The following DCP1A variants were observed in gnomAD, a reference collection of about 807,000 sequenced individuals.
The protein encoded by DCP1A is decapping mRNA 1A.
Under a neutral mutation model 58.0 loss-of-function variants are expected in DCP1A, and 20 were observed. The ratio of observed to expected loss-of-function variants is 0.34; its 90% CI spans 0.24 to 0.50. The LOEUF (loss-of-function observed/expected upper bound fraction) is 0.50, where lower values mean the gene tolerates loss of function less well. Among genes scored for constraint, DCP1A ranks in the 20% least tolerant of loss-of-function variants. The probability of loss-of-function intolerance (pLI) is 0.98; values close to 1 mark genes in which losing one functional copy is unlikely to be tolerated. For synonymous variants in DCP1A, 285 were observed against 275.1 expected (o/e 1.04, Z -0.36); for missense variants, 613 against 712.2 (o/e 0.86, Z 1.59).
chr3:53,319,297 A>T, intron 4 of DCP1A, 110 bp downstream of exon 4: 1 of 649,204 alleles, frequency 1.5e-6, no homozygotes, highest in Non-Finnish European at 2.6e-6. Flanking sequence ...AGTAAAAAGA[A>T]ATTGGGGAAA....
At position 53,290,774 on chromosome 3, in the gene DCP1A, A is replaced by C. The variant is rs1039741345; in HGVS notation, c.1449+17T>G. On this transcript the variant is annotated intron_variant, in intron 8 of 9. Coordinates refer to ENST00000610213, the MANE Select transcript of DCP1A (RefSeq NM_018403.7). Reference sequence around the variant, plus strand: ...TAAAAAAAAAAAAAAAAAAAAAAAAAAAAAGCGAGTCCTTACCGGGATGGC... The same window carrying C: ...TAAAAAAAAAAAAAAAAAAAAAAAACAAAAGCGAGTCCTTACCGGGATGGC... 66 of 1,516,376 alleles carry C rather than the reference A, an allele frequency of 4.4e-5. No homozygotes were observed. The East Asian group carries it at 1.4e-3, about 33-fold the overall frequency. 93.9% of individuals were successfully genotyped at this position (1,516,376 alleles called of 1,614,324 possible).
intron 6 of DCP1A, among the ~76,000 whole-genome samples, chr3:53,294,808 G>A (rs1388032918): frequency 3.9e-5 from 6 of 152,194 alleles, no homozygotes; most frequent in Admixed American, 2.0e-4. Context: ...CAGCACACAG[G>A]AAGTGTGTGT....
chr3:53,345,294 A>G (rs1217823235), intron 1 of DCP1A, among the ~76,000 whole-genome samples: 1 of 152,186 alleles, frequency 6.6e-6, no homozygotes, highest in Non-Finnish European at 1.5e-5. Flanking sequence ...AAGGTCCTGT[A>G]TACTGCAATT....
chr3:53,287,639 T>C lies in DCP1A; in HGVS notation c.1690A>G (p.Thr564Ala), dbSNP rs782142712. The change falls in exon 10 of 10, where the codon ACA becomes GCA. Residue 564 changes from threonine to alanine, a missense_variant. By Grantham distance (58) the Thr-to-Ala change is moderately conservative. Around this residue, in one of 3 missense-constraint regions of DCP1A, gnomAD observed 498 missense variants for 556.7 expected, o/e 0.89. Coordinates refer to ENST00000610213, the MANE Select transcript of DCP1A (RefSeq NM_018403.7). ...LIKNDSSFLS[T>A]LHEVYLQVLT... ...ACCTGCAAGTAGACTTCATGAAGTG[T>C]ACTGAGGAAGCTGGAATCATTCTAG... 1 of 1,611,984 alleles carries C rather than the reference T, an allele frequency of 6.2e-7. No individual in the cohort carries two copies. Among genetic ancestry groups the C allele is most frequent in the South Asian group, 1.1e-5 (1 of 91,042 alleles).
At chr3:53,302,746 C>T (rs1553687538) in intron 6 of DCP1A, among the ~76,000 whole-genome samples, 3 of 151,990 alleles carry the variant, frequency 2.0e-5, no homozygotes, top group South Asian at 2.1e-4. Context: ...ACCTCAGCTT[C>T]CCGAATAGCT....
At chr3:53,322,437 G>A (rs988992981) in intron 3 of DCP1A, among the ~76,000 whole-genome samples, 3 of 150,664 alleles carry the variant, frequency 2.0e-5, no homozygotes, top group Non-Finnish European at 4.4e-5. Context: ...GGCAACAAGA[G>A]TGAAACTCTG....
intron 4 of DCP1A, among the ~76,000 whole-genome samples, chr3:53,317,917 T>C (rs1459684903): frequency 6.6e-6 from 1 of 152,202 alleles, no homozygotes; most frequent in African/African-American, 2.4e-5. Flanking sequence ...TAACTTCCGA[T>C]CAGGACATGT....
At chr3:53,306,696 A>G (rs1343200028) in intron 5 of DCP1A, among the ~76,000 whole-genome samples, 4 of 150,184 alleles carry the variant, frequency 2.7e-5, no homozygotes, top group Non-Finnish European at 4.4e-5. Context: ...GTGTGAACCC[A>G]AGAGGCAGAG....
At chr3:53,324,365 C>T (rs949367189) in intron 3 of DCP1A, among the ~76,000 whole-genome samples, 2 of 152,204 alleles carry the variant, frequency 1.3e-5, no homozygotes, top group South Asian at 2.1e-4. Flanking sequence ...GGAGCTGCCA[C>T]GGAGCCTGTC....
chr3:53,343,486 A>G (rs970038375), intron 2 of DCP1A, among the ~76,000 whole-genome samples: 6 of 152,248 alleles, frequency 3.9e-5, no homozygotes, highest in Non-Finnish European at 8.8e-5. Flanking sequence ...GTATGATAAC[A>G]ATAAAGCCAG....
At chr3:53,331,769 G>C (rs557587355) in intron 3 of DCP1A, among the ~76,000 whole-genome samples, 1 of 152,282 alleles carries the variant, frequency 6.6e-6, no homozygotes, top group East Asian at 1.9e-4. Flanking sequence ...TAAGTGATAG[G>C]TAAGCACATA....
chr3:53,325,719 C>G (rs1250491409), intron 3 of DCP1A, among the ~76,000 whole-genome samples: 2 of 152,116 alleles, frequency 1.3e-5, no homozygotes, highest in African/African-American at 4.8e-5. Flanking sequence ...CATGGAGGCT[C>G]TCTAAGAACA....
rs1321857177 is a variant in DCP1A, at chr3:53,287,286, C to T, written c.*294G>A. 3.8e-6 allele frequency: 1 copy of T among 260,984 alleles called. No homozygotes were observed. Among genetic ancestry groups the T allele is most frequent in the East Asian group, 7.6e-5 (1 of 13,200 alleles). The allele number at this position is 260,984 out of a possible 1,614,324, so 16.2% of individuals were successfully genotyped here. ...GCTGAGAATCTGACTCCTTATTCCA[C>T]AGCCTTGCTCCTAGCTGATGAAAAC... is the stretch of plus-strand genomic sequence containing the variant. On this transcript the variant is annotated 3_prime_UTR_variant, in exon 10 of 10. Coordinates refer to ENST00000610213, the MANE Select transcript of DCP1A (RefSeq NM_018403.7).
rs1006706809 is a variant in DCP1A, at chr3:53,302,100, T to C, written c.624+2077A>G. On this transcript the variant is annotated intron_variant, in intron 6 of 9. Coordinates refer to ENST00000610213, the MANE Select transcript of DCP1A (RefSeq NM_018403.7). ...GATATACAAAAAGCTATACATGAGATAAAATTACACAGAACTGAATATACA... is the reference window on the plus strand; with the variant it reads ...GATATACAAAAAGCTATACATGAGACAAAATTACACAGAACTGAATATACA... Among the ~76,000 whole-genome samples, 8 of 152,134 alleles carry C rather than the reference T, an allele frequency of 5.3e-5. No homozygotes were observed. In the East Asian group the frequency reaches 1.5e-3, roughly 29 times the overall value.
At chr3:53,323,741 A>G (rs1553690271) in intron 3 of DCP1A, among the ~76,000 whole-genome samples, 1 of 151,910 alleles carries the variant, frequency 6.6e-6, no homozygotes, top group Non-Finnish European at 1.5e-5. Flanking sequence ...GCATGTTTAT[A>G]ATCCCAGCTA....
rs1553684878 is a variant in DCP1A, at chr3:53,284,595, G to T, written c.*2985C>A. 1 of 138,128 alleles carries T rather than the reference G, an allele frequency of 7.2e-6. No individual in the cohort carries two copies. Among genetic ancestry groups the T allele is most frequent in the East Asian group, 2.1e-4 (1 of 4,712 alleles). The allele number at this position is 138,128 out of a possible 1,614,324, so 8.6% of individuals were successfully genotyped here. A position where few individuals can be genotyped will look rare whatever the true frequency, so the allele number is the denominator to read the frequency against. On this transcript the variant is annotated 3_prime_UTR_variant, in exon 10 of 10. Coordinates refer to ENST00000610213, the MANE Select transcript of DCP1A (RefSeq NM_018403.7). ...ACTGTCGCCCAGGCTAGAGTGCAGT[G>T]GTGTGATCTTGGCTCACTGCAACCT...
At position 53,315,744 on chromosome 3, in the gene DCP1A, G is replaced by GTTTTTTTTTT. The variant is rs797040721; in HGVS notation, c.372-3375_372-3366dup. Among the ~76,000 whole-genome samples, 53 of 95,430 alleles carry GTTTTTTTTTT rather than the reference G, an allele frequency of 5.6e-4. 4 individuals carry two copies. Among genetic ancestry groups the GTTTTTTTTTT allele is most frequent in the African/African-American group, 9.7e-4 (23 of 23,774 alleles). 62.6% of individuals were successfully genotyped at this position (95,430 alleles called of 152,430 possible). A position where few individuals can be genotyped will look rare whatever the true frequency, so the allele number is the denominator to read the frequency against. Reference sequence around the variant, plus strand: ...ATTGTTTGGAGTAAATCAGTTTGTTGTTTTTTTTTTTTGTTTTTTTTTTTT... The same window carrying GTTTTTTTTTT: ...ATTGTTTGGAGTAAATCAGTTTGTTGTTTTTTTTTTTTTTTTTTTTTTGTTTTTTTTTTTT... On this transcript the variant is annotated intron_variant, in intron 4 of 9. Coordinates refer to ENST00000610213, the MANE Select transcript of DCP1A (RefSeq NM_018403.7).
chr3:53,308,762 T>TA (rs1177928091), intron 5 of DCP1A, among the ~76,000 whole-genome samples: 2 of 151,554 alleles, frequency 1.3e-5, no homozygotes, highest in African/African-American at 4.8e-5. Context: ...CCTAACTAAT[T>TA]AAAAAAAAAT....
In DCP1A at chr3:53,312,249, A is replaced by G; in HGVS notation, c.502T>C (p.Tyr168His). The G allele has an allele frequency of 6.2e-7, 1 of 1,603,156 alleles. No individual in the cohort carries two copies. The highest frequency in any genetic ancestry group is 8.5e-7 in the Non-Finnish European group (1 of 1,175,368). ...TACCCAGAGAGCCTCACCCTCTCAT[A>G]CTCATCCTTGGCTCTGCTCAGCATC... ...LEMLSRAKDE[Y>H]ERNQMGDSNI... Residue 168 changes from tyrosine (Y) to histidine (H), a missense_variant, in exon 5 of 10, where the codon TAT (tyrosine) becomes CAT (histidine). Physicochemically the swap from Tyr to His is moderately conservative, Grantham distance 83. Around this residue, in one of 3 missense-constraint regions of DCP1A, gnomAD observed 498 missense variants for 556.7 expected, o/e 0.89. Transcript: ENST00000610213.
Sources: allele counts gnomAD v4.1 joint callset (sites outside exome capture counted in the v4.1 genomes callset), GRCh38; gene constraint gnomAD v4.1.1; regional missense constraint gnomAD v4.1.1; transcripts MANE v1.5; gene names NCBI Gene and HGNC (gene_info 2026-07-23, HGNC 2026-07-21).